The following SLC10A7 variants were observed in gnomAD, a reference collection of about 807,000 sequenced individuals.
SLC10A7 encodes the protein sodium/bile acid cotransporter 7.
In SLC10A7, 29 loss-of-function variants were observed where a neutral mutation model predicts 43.2. The ratio of observed to expected loss-of-function variants is 0.67; its 90% confidence interval spans 0.50 to 0.92. SLC10A7 has a LOEUF of 0.92. Among genes scored for constraint, SLC10A7 ranks in the 40% least tolerant of loss-of-function variants. The pLI is 0.00. For synonymous variants in SLC10A7, 152 were observed against 144.8 expected (o/e 1.05, Z -0.35); for missense variants, 295 against 403.2 (o/e 0.73, Z 2.30).
intron 5 of SLC10A7, among the ~76,000 whole-genome samples, chr4:146,411,055 C>T (rs548008891): frequency 8.5e-5 from 13 of 152,110 alleles, no homozygotes; most frequent in East Asian, 1.9e-4. Flanking sequence ...AGGCTGGTTT[C>T]GAACTCCTGA....
intron 7 of SLC10A7, among the ~76,000 whole-genome samples, chr4:146,301,133 CA>C (rs1476722482): frequency 6.6e-6 from 1 of 152,158 alleles, no homozygotes; most frequent in Non-Finnish European, 1.5e-5. Flanking sequence ...GGCAGCTCAT[CA>C]ATAAATTATA....
At chr4:146,365,903 A>G (rs1259240937) in intron 5 of SLC10A7, among the ~76,000 whole-genome samples, 1 of 152,216 alleles carries the variant, frequency 6.6e-6, no homozygotes, top group African/African-American at 2.4e-5. Flanking sequence ...GGTGAGTGGT[A>G]GGCCAGTGAG....
At chr4:146,418,042 A>G (rs62328697) in intron 5 of SLC10A7, among the ~76,000 whole-genome samples, 5 of 102,624 alleles carry the variant, frequency 4.9e-5, no homozygotes, top group African/African-American at 1.7e-4. Context: ...TGATGATGAT[A>G]ATGATCCACA....
intron 5 of SLC10A7, among the ~76,000 whole-genome samples, chr4:146,375,175 C>A (rs915396021): frequency 5.3e-5 from 8 of 152,078 alleles, no homozygotes; most frequent in African/African-American, 1.9e-4. Flanking sequence ...CACTGCACTC[C>A]GGCCTGGGTG....
intron 4 of SLC10A7, among the ~76,000 whole-genome samples, chr4:146,446,534 C>A (rs1231023522): frequency 6.7e-6 from 1 of 150,036 alleles, no homozygotes; most frequent in Non-Finnish European, 1.5e-5. Flanking sequence ...CGAGATTGTA[C>A]CACTGCATTC....
At chr4:146,409,207 C>T (rs1011943133) in intron 5 of SLC10A7, among the ~76,000 whole-genome samples, 14 of 151,880 alleles carry the variant, frequency 9.2e-5, no homozygotes, top group Admixed American at 8.5e-4. Flanking sequence ...AAACATCAAC[C>T]AGTGTTTCTC....
chr4:146,344,994 G>C (rs912322251), intron 5 of SLC10A7, among the ~76,000 whole-genome samples: 1 of 152,138 alleles, frequency 6.6e-6, no homozygotes, highest in African/African-American at 2.4e-5. Context: ...GGAGAACACT[G>C]TTCCGGAAGA....
chr4:146,342,625 C>T (rs1227939084), intron 5 of SLC10A7, among the ~76,000 whole-genome samples: 1 of 151,306 alleles, frequency 6.6e-6, no homozygotes, highest in Non-Finnish European at 1.5e-5. Flanking sequence ...TTTAGAGTTT[C>T]ACTTAAATTT....
At chr4:146,330,983 G>A (rs1288880930) in intron 5 of SLC10A7, among the ~76,000 whole-genome samples, 1 of 152,062 alleles carries the variant, frequency 6.6e-6, no homozygotes, top group Non-Finnish European at 1.5e-5. Flanking sequence ...TTTAAATGAT[G>A]CTCCTGAATG....
chr4:146,464,954 C>T (rs1042115374), intron 4 of SLC10A7, among the ~76,000 whole-genome samples: 3 of 152,058 alleles, frequency 2.0e-5, no homozygotes, highest in African/African-American at 4.8e-5. Context: ...AAATTTGTTC[C>T]AGATGTAAAG....
chr4:146,344,817 C>A (rs1380546925), intron 5 of SLC10A7, among the ~76,000 whole-genome samples: 1 of 152,016 alleles, frequency 6.6e-6, no homozygotes, highest in Non-Finnish European at 1.5e-5. Context: ...AGTGATATTT[C>A]ATAAAAATGT....
rs115020962 is a variant in SLC10A7, at chr4:146,476,443, C to G, written c.396+27406G>C. On this transcript the variant is annotated intron_variant, in intron 4 of 11. Transcript: ENST00000335472. ...TTCTGAAAGACAAAACGAGGCGTTACCTTTCAGTCTTCTCTTTAGCAAATG... is the reference window on the plus strand; with the variant it reads ...TTCTGAAAGACAAAACGAGGCGTTAGCTTTCAGTCTTCTCTTTAGCAAATG... 6.9e-3 allele frequency among the ~76,000 whole-genome samples: 1,054 copies of G among 152,164 alleles called. 10 individuals carry two copies. Among genetic ancestry groups the G allele is most frequent in the African/African-American group, 0.024 (1,006 of 41,506 alleles).
intron 4 of SLC10A7, among the ~76,000 whole-genome samples, chr4:146,495,899 A>G (rs2150015059): frequency 6.6e-6 from 1 of 152,240 alleles, no homozygotes; most frequent in African/African-American, 2.4e-5. Flanking sequence ...ATGACTATCA[A>G]AGTTCTAAAA....
At chr4:146,512,258 G>A (rs555465822) in intron 2 of SLC10A7, among the ~76,000 whole-genome samples, 2 of 152,212 alleles carry the variant, frequency 1.3e-5, no homozygotes, top group African/African-American at 4.8e-5. Context: ...ACAGGCATGA[G>A]CCCCCGTGCC....
chr4:146,297,235 A>T (rs1389119582), intron 7 of SLC10A7, among the ~76,000 whole-genome samples: 1 of 152,166 alleles, frequency 6.6e-6, no homozygotes, highest in East Asian at 1.9e-4. Flanking sequence ...GAGAAGGAAA[A>T]AATCTTCCAT....
intron 5 of SLC10A7, among the ~76,000 whole-genome samples, chr4:146,355,963 G>A (rs1476131729): frequency 2.0e-5 from 3 of 149,874 alleles, no homozygotes; most frequent in East Asian, 2.0e-4. Flanking sequence ...TGGGTGCAGC[G>A]CACCAGCATG....
intron 5 of SLC10A7, among the ~76,000 whole-genome samples, chr4:146,389,879 G>A (rs896558824): frequency 6.6e-6 from 1 of 152,088 alleles, no homozygotes; most frequent in Non-Finnish European, 1.5e-5. Context: ...TTCCTCCCTG[G>A]GGCTGTTGTT....
intron 2 of SLC10A7, among the ~76,000 whole-genome samples, chr4:146,516,476 G>GTATA (rs1553990676): frequency 1.4e-5 from 2 of 143,122 alleles, no homozygotes; most frequent in South Asian, 2.3e-4. Flanking sequence ...ATATGTATAT[G>GTATA]TGTATATATA....
At chr4:146,433,485 A>G (rs1729951840) in intron 5 of SLC10A7, among the ~76,000 whole-genome samples, 1 of 152,192 alleles carries the variant, frequency 6.6e-6, no homozygotes, top group South Asian at 2.1e-4. Flanking sequence ...ATAAAATATC[A>G]GTTTGCTAAA....
Sources: gnomAD v4.1 joint callset for allele counts (sites outside exome capture counted in the v4.1 genomes callset) on GRCh38, gnomAD v4.1.1 for gene constraint, MANE v1.5 for transcripts, NCBI Gene and HGNC (gene_info 2026-07-23, HGNC 2026-07-21) for gene names.